The following ANKRD11 variants were observed in gnomAD, a reference collection of about 807,000 sequenced individuals.
ANKRD11 encodes the protein ankyrin repeat domain-containing protein 11.
Under a neutral mutation model 195.7 loss-of-function variants are expected in ANKRD11, and 17 were observed. The ratio of observed to expected loss-of-function variants is 0.09; its 90% CI spans 0.06 to 0.13. The LOEUF (loss-of-function observed/expected upper bound fraction) is 0.13. Ranked by LOEUF, ANKRD11 falls within the 10% of genes least tolerant of loss-of-function variation. The pLI is 1.00. For missense variants in ANKRD11, 3,735 were observed against 3,566.1 expected (o/e 1.05, Z -1.21); for synonymous variants, 1,953 against 1,528.1 (o/e 1.28, Z -6.49).
chr16:89,478,875 A>C (rs2057346337), intron 1 of ANKRD11, among the ~76,000 whole-genome samples: 1 of 152,234 alleles, frequency 6.6e-6, no homozygotes, highest in Non-Finnish European at 1.5e-5. Context: ...CTGGAGGTTA[A>C]ACATGCCTGA....
intron 12 of ANKRD11, 44 bp from the exon 13 acceptor site, chr16:89,268,707 G>C (rs891346399): frequency 1.3e-5 from 20 of 1,552,872 alleles, no homozygotes; most frequent in Non-Finnish European, 1.7e-5. Context: ...GGAGTGAAGG[G>C]AGAGCCCCAG....
At chr16:89,437,434 C>T (rs569829231) in intron 1 of ANKRD11, among the ~76,000 whole-genome samples, 1 of 152,132 alleles carries the variant, frequency 6.6e-6, no homozygotes, top group East Asian at 1.9e-4. Flanking sequence ...CACACCCCTA[C>T]TTCCTCTCTC....
chr16:89,314,985 C>G (rs1369666837), intron 3 of ANKRD11, among the ~76,000 whole-genome samples: 1 of 152,208 alleles, frequency 6.6e-6, no homozygotes, highest in African/African-American at 2.4e-5. Flanking sequence ...GAGCACACCC[C>G]AGGTGCAGAA....
chr16:89,348,414 A>C (rs1372491762), intron 2 of ANKRD11, among the ~76,000 whole-genome samples: 1 of 152,164 alleles, frequency 6.6e-6, no homozygotes, highest in Non-Finnish European at 1.5e-5. Flanking sequence ...AATTTACATC[A>C]GTATTAATGT....
intron 1 of ANKRD11, among the ~76,000 whole-genome samples, chr16:89,445,365 G>C (rs577267913): frequency 1.4e-4 from 21 of 152,262 alleles, no homozygotes; most frequent in African/African-American, 4.1e-4. Context: ...GCCTCTCTGA[G>C]GTTCAGGTAA....
intron 2 of ANKRD11, among the ~76,000 whole-genome samples, chr16:89,357,931 AAGT>A (rs2039560411): frequency 6.6e-6 from 1 of 152,218 alleles, no homozygotes; most frequent in Non-Finnish European, 1.5e-5. Context: ...AAGTAATGAA[AAGT>A]AGTAAATCCT....
chr16:89,284,902 C>T lies in ANKRD11; in HGVS notation c.1640G>A (p.Arg547Gln), dbSNP rs766646838. The T allele has an allele frequency of 1.1e-5, 17 of 1,614,006 alleles. No individual in the cohort carries two copies. The highest frequency in any genetic ancestry group is 1.0e-4 in the Admixed American group (6 of 60,004). The stretch of plus-strand genomic sequence containing the variant: ...AGAAATGGTTTTCCAATTGTCTGTC[C>T]GCCAGTGCTTGGTGTGCTGGTCTGT... Reference protein sequence around the residue: ...SHTDQHTKHWRTDNWKTISSP... With the variant: ...SHTDQHTKHWQTDNWKTISSP... Residue 547 changes from arginine (R) to glutamine (Q), a missense_variant, in exon 9 of 13, where the codon CGG becomes CAG. Arg to Gln is a conservative substitution (Grantham distance 43, BLOSUM62 1). Transcript: ENST00000301030.
At chr16:89,286,401 A>G (rs1309779291) in intron 7 of ANKRD11, 4 of 701,552 alleles carry the variant, frequency 5.7e-6, no homozygotes, top group Non-Finnish European at 9.4e-6. Context: ...GAAGGGCTGC[A>G]GCCGCGGGGG....
rs947680346 is a variant in ANKRD11, at chr16:89,291,631, C to G, written c.227-448G>C. The G allele has an allele frequency of 1.6e-6, 2 of 1,251,776 alleles. No individual in the cohort carries two copies. The highest frequency in any genetic ancestry group is 1.5e-5 in the African/African-American group (1 of 65,104). 77.5% of individuals were successfully genotyped at this position (1,251,776 alleles called of 1,614,324 possible). A position where few individuals can be genotyped will look rare whatever the true frequency, so the allele number is the denominator to read the frequency against. On this transcript the variant is annotated intron_variant, in intron 4 of 12. Transcript: ENST00000301030. This position sits in a 1 kb window ranked among gnomAD's most constrained non-coding sequence, Gnocchi z 5.3. ...AACAGTGCAGATATAAAATGGCAGA[C>G]ACAGTTTAAAACACATCAGTAAATC... is the stretch of plus-strand genomic sequence containing the variant.
intron 12 of ANKRD11, among the ~76,000 whole-genome samples, chr16:89,269,100 C>T (rs761142146): frequency 4.6e-5 from 7 of 152,218 alleles, no homozygotes; most frequent in Non-Finnish European, 1.0e-4. Flanking sequence ...ACTGGGGTAG[C>T]ACATATTTTG....
chr16:89,284,295 C>T lies in ANKRD11; in HGVS notation c.2247G>A (p.Lys749=), dbSNP rs2034492513. The change falls in exon 9 of 13, where the codon AAG becomes AAA. Residue 749 remains lysine (K), a synonymous_variant. Transcript: ENST00000301030. Reference sequence around the variant, plus strand: ...GTTTTTCTTCTTTCGGAGACTTTTCCTTCAGCGATCTCTCCTTTTCTGCTT... The same window carrying T: ...GTTTTTCTTCTTTCGGAGACTTTTCTTTCAGCGATCTCTCCTTTTCTGCTT... ...SNKAEKERSL[K]EKSPKEEKLR... 1 of 1,613,678 alleles carries T rather than the reference C, an allele frequency of 6.2e-7. No individual in the cohort carries two copies. Among genetic ancestry groups the T allele is most frequent in the African/African-American group, 1.3e-5 (1 of 74,874 alleles).
intron 2 of ANKRD11, among the ~76,000 whole-genome samples, chr16:89,348,931 C>T (rs533988121): frequency 6.7e-6 from 1 of 148,172 alleles, no homozygotes; most frequent in East Asian, 2.0e-4. Flanking sequence ...AGTTCAAGAC[C>T]AGCCTCGTCA....
chr16:89,462,490 C>A (rs1365910487), intron 1 of ANKRD11, among the ~76,000 whole-genome samples: 2 of 152,038 alleles, frequency 1.3e-5, no homozygotes, highest in East Asian at 1.9e-4. Flanking sequence ...CCGGCCGCCA[C>A]CCCGTCTGGG....
intron 12 of ANKRD11, chr16:89,270,590 C>T: frequency 1.7e-6 from 1 of 584,470 alleles, no homozygotes; most frequent in Non-Finnish European, 3.1e-6. Context: ...AGGAGCCGCT[C>T]CCTGCACACC....
intron 1 of ANKRD11, among the ~76,000 whole-genome samples, chr16:89,485,389 G>A (rs554711991): frequency 6.6e-6 from 1 of 151,908 alleles, no homozygotes; most frequent in Non-Finnish European, 1.5e-5. Context: ...AGCTACTCGG[G>A]AGGCTGAGGC....
chr16:89,296,562 A>T (rs973187392), intron 4 of ANKRD11, among the ~76,000 whole-genome samples: 1 of 152,186 alleles, frequency 6.6e-6, no homozygotes, highest in Non-Finnish European at 1.5e-5. Flanking sequence ...GATATTCCAT[A>T]TGCCTTAAAA....
In ANKRD11 at chr16:89,449,570, G is replaced by T. The variant is rs142973938; in HGVS notation, c.-144-31202C>A. Among the ~76,000 whole-genome samples, 440 of 152,186 alleles carry T rather than the reference G, an allele frequency of 2.9e-3. 2 individuals are homozygous for T. Among genetic ancestry groups the T allele is most frequent in the African/African-American group, 9.4e-3 (389 of 41,528 alleles). On this transcript the variant is annotated intron_variant, in intron 1 of 12. Coordinates refer to ENST00000301030, the MANE Select transcript of ANKRD11 (RefSeq NM_013275.6). ...GCACTTTGGGAGGCCGAGGCAGGCA[G>T]ATCACCTGAGGTCGAGAGTTCGAGA...
chr16:89,294,816 T>C (rs929156555), intron 4 of ANKRD11, among the ~76,000 whole-genome samples: 1 of 152,160 alleles, frequency 6.6e-6, no homozygotes, highest in Non-Finnish European at 1.5e-5. Flanking sequence ...CCTGGAGCCG[T>C]GTGCCCCTGA....
intron 2 of ANKRD11, among the ~76,000 whole-genome samples, chr16:89,318,323 G>A (rs1373261861): frequency 6.6e-6 from 1 of 152,176 alleles, no homozygotes; most frequent in Non-Finnish European, 1.5e-5. Flanking sequence ...CGAGAGGAAT[G>A]GGGGACACAC....
Sources: allele counts gnomAD v4.1 joint callset (sites outside exome capture counted in the v4.1 genomes callset), GRCh38; gene constraint gnomAD v4.1.1; non-coding constraint Gnocchi (gnomAD v3.1); transcripts MANE v1.5; gene names NCBI Gene and HGNC (gene_info 2026-07-23, HGNC 2026-07-21).